ELP4: variants seen among roughly 807,000 people sequenced by gnomAD.
The protein encoded by ELP4 is elongator acetyltransferase complex subunit 4, also known as elongator complex protein 4.
In ELP4, 51 loss-of-function variants were observed where a neutral mutation model predicts 48.9. The observed-to-expected ratio is 1.04, with a 90% CI of 0.83 to 1.32. The LOEUF is 1.32. Among genes scored for constraint, ELP4 ranks in the 40% most tolerant of loss-of-function variants. The probability of loss-of-function intolerance (pLI) is 0.00; values close to 1 mark genes in which losing one functional copy is unlikely to be tolerated. For synonymous variants in ELP4, 210 were observed against 189.2 expected (o/e 1.11, Z -0.90); for missense variants, 519 against 514.6 (o/e 1.01, Z -0.08).
chr11:31,572,823 A>G (rs548250417), intron 3 of ELP4, among the ~76,000 whole-genome samples: 1 of 152,174 alleles, frequency 6.6e-6, no homozygotes, highest in African/African-American at 2.4e-5. Flanking sequence ...CAATATAGCA[A>G]GACACCATCT....
rs533722364 is a variant in ELP4, at chr11:31,768,854, A to G, written c.1144-14539A>G. On this transcript the variant is annotated intron_variant, in intron 9 of 9. Coordinates refer to ENST00000640961, the MANE Select transcript of ELP4 (RefSeq NM_019040.5). ...GATTTCCTGTTATAGAAGCAGCCCT[A>G]TCTGGGGGTGTGGGGGTAGGGAGGG... is the stretch of plus-strand genomic sequence containing the variant. Among the ~76,000 whole-genome samples, 9 of 152,296 alleles carry G rather than the reference A, an allele frequency of 5.9e-5. No homozygotes were observed. The South Asian group carries it at 1.2e-3, about 21-fold the overall frequency.
chr11:31,755,938 A>G (rs2134246051), intron 9 of ELP4, among the ~76,000 whole-genome samples: 1 of 152,308 alleles, frequency 6.6e-6, no homozygotes, highest in Non-Finnish European at 1.5e-5. Context: ...AGACTAGGAG[A>G]CAAATGATAT....
chr11:31,522,257 T>G (rs917770465), intron 2 of ELP4, among the ~76,000 whole-genome samples: 1 of 152,144 alleles, frequency 6.6e-6, no homozygotes, highest in Non-Finnish European at 1.5e-5. Context: ...AGAAAATTAT[T>G]TACATGTTTG....
chr11:31,695,510 A>G (rs965088942), intron 9 of ELP4, among the ~76,000 whole-genome samples: 2 of 151,472 alleles, frequency 1.3e-5, no homozygotes, highest in Non-Finnish European at 2.9e-5. Context: ...GATGAAGACA[A>G]CTTGATCGTG....
chr11:31,766,783 A>G (rs757165718), intron 9 of ELP4, among the ~76,000 whole-genome samples: 30 of 152,086 alleles, frequency 2.0e-4, no homozygotes, highest in Admixed American at 4.6e-4. Context: ...TGTTTGTAAT[A>G]TACTCTGTAA....
At chr11:31,749,710 A>G (rs1028384664) in intron 9 of ELP4, among the ~76,000 whole-genome samples, 7 of 152,386 alleles carry the variant, frequency 4.6e-5, no homozygotes, top group African/African-American at 1.7e-4. Context: ...ACTGAAAAAA[A>G]TAAATACATA....
chr11:31,681,776 T>G (rs963407658), intron 9 of ELP4: 2 of 155,656 alleles, frequency 1.3e-5, no homozygotes, highest in Non-Finnish European at 2.9e-5. Context: ...AGCTTCACTC[T>G]TGTTGCCCAG....
At chr11:31,636,789 G>GA (rs555425180) in intron 7 of ELP4, among the ~76,000 whole-genome samples, 13 of 151,388 alleles carry the variant, frequency 8.6e-5, no homozygotes, top group African/African-American at 3.1e-4. Context: ...AATGCCACAG[G>GA]AAAAAAATGG....
intron 9 of ELP4, among the ~76,000 whole-genome samples, chr11:31,744,368 G>C (rs1380430816): frequency 1.3e-5 from 2 of 152,194 alleles, no homozygotes; most frequent in East Asian, 3.8e-4. Flanking sequence ...TAGAAAAAGA[G>C]AGAATCCTCC....
Position 31,789,813 on chromosome 11 carries a change from G to A in ELP4, c.*6289G>A, listed in dbSNP as rs1949167410. ...TGGTACAATACAGGACACAATTGTA[G>A]AACTGAAGCGGCTCTAACAGCCATT... On this transcript the variant is annotated 3_prime_UTR_variant, in exon 10 of 10. Transcript: ENST00000640961. The A allele has an allele frequency of 1.2e-6, 1 of 865,432 alleles. No homozygotes were observed. The highest frequency in any genetic ancestry group is 2.0e-5 in the Admixed American group (1 of 49,798). 53.6% of individuals were successfully genotyped at this position (865,432 alleles called of 1,614,324 possible).
intron 8 of ELP4, chr11:31,649,059 T>A (rs1945266308): frequency 6.6e-6 from 1 of 151,754 alleles, no homozygotes; most frequent in African/African-American, 2.4e-5. Flanking sequence ...GCTGTCTTCT[T>A]GAAACACCTT....
chr11:31,745,545 A>G (rs1327049775), intron 9 of ELP4, among the ~76,000 whole-genome samples: 1 of 152,208 alleles, frequency 6.6e-6, no homozygotes, highest in Non-Finnish European at 1.5e-5. Flanking sequence ...AAACAGAGAT[A>G]TAGACCAATG....
intron 9 of ELP4, among the ~76,000 whole-genome samples, chr11:31,768,549 T>C (rs1948083457): frequency 6.6e-6 from 1 of 152,198 alleles, no homozygotes; most frequent in Non-Finnish European, 1.5e-5. Flanking sequence ...TACATTGAAC[T>C]GGTGAAAGAA....
At chr11:31,690,595 G>C (rs960676132) in intron 9 of ELP4, among the ~76,000 whole-genome samples, 1 of 152,006 alleles carries the variant, frequency 6.6e-6, no homozygotes, top group African/African-American at 2.4e-5. Flanking sequence ...CAAAGTCTGA[G>C]TTGATAAAAA....
At chr11:31,620,334 T>C (rs1324177465) in intron 5 of ELP4, among the ~76,000 whole-genome samples, 2 of 151,946 alleles carry the variant, frequency 1.3e-5, no homozygotes, top group Admixed American at 1.3e-4. Flanking sequence ...GGTTAATTAA[T>C]TGAAAGAGCT....
At chr11:31,672,347 A>G (rs1195124281) in intron 9 of ELP4, among the ~76,000 whole-genome samples, 1 of 152,200 alleles carries the variant, frequency 6.6e-6, no homozygotes, top group Admixed American at 6.5e-5. Context: ...TTTTTTAAAA[A>G]ATGGAGTGGT....
At chr11:31,671,625 C>A (rs976004180) in intron 9 of ELP4, among the ~76,000 whole-genome samples, 2 of 152,172 alleles carry the variant, frequency 1.3e-5, no homozygotes, top group African/African-American at 4.8e-5. Context: ...ACAAAAACCT[C>A]ATCTAGCCTA....
At chr11:31,642,975 C>G (rs1945129451) in intron 7 of ELP4, among the ~76,000 whole-genome samples, 1 of 151,610 alleles carries the variant, frequency 6.6e-6, no homozygotes, top group South Asian at 2.1e-4. Context: ...ATCCTTGGAT[C>G]CAAGCTTATT....
chr11:31,718,952 T>G (rs1946897797), intron 9 of ELP4, among the ~76,000 whole-genome samples: 1 of 152,148 alleles, frequency 6.6e-6, no homozygotes, highest in Non-Finnish European at 1.5e-5. Context: ...TGGGTGATGC[T>G]GTACAGTTAT....
Sources: allele counts gnomAD v4.1 joint callset (sites outside exome capture counted in the v4.1 genomes callset), GRCh38; gene constraint gnomAD v4.1.1; transcripts MANE v1.5; gene names NCBI Gene and HGNC (gene_info 2026-07-23, HGNC 2026-07-21).